Variants in KCNJ6 observed in about 807,000 individuals in gnomAD.
KCNJ6 encodes G protein-activated inward rectifier potassium channel 2.
Under a neutral mutation model 34.2 loss-of-function variants are expected in KCNJ6, and 9 were observed. The ratio of observed to expected loss-of-function variants is 0.26; its 90% confidence interval spans 0.16 to 0.46. The LOEUF (loss-of-function observed/expected upper bound fraction) is 0.46. KCNJ6 is among the 20% of genes least tolerant of loss of function. The pLI is 1.00. For missense variants in KCNJ6, 236 were observed against 531.3 expected, an observed-to-expected ratio of 0.44 and a Z score of 5.46; for synonymous variants, 196 against 207.1, an observed-to-expected ratio of 0.95 and a Z score of 0.46.
At chr21:37,717,587 A>G (rs1337985428) in intron 2 of KCNJ6, among the ~76,000 whole-genome samples, 1 of 152,226 alleles carries the variant, frequency 6.6e-6, no homozygotes, top group Non-Finnish European at 1.5e-5. Context: ...TCTCACTGCT[A>G]ATTTTGTGCT....
intron 2 of KCNJ6, among the ~76,000 whole-genome samples, chr21:37,832,403 G>A (rs191000326): frequency 4.6e-5 from 7 of 151,964 alleles, no homozygotes; most frequent in African/African-American, 9.7e-5. Context: ...GTGACACAAC[G>A]TCTTCCTCGG....
At position 37,620,550 on chromosome 21, in the gene KCNJ6, T is replaced by C. The variant is rs1171216031; in HGVS notation, c.*4609A>G. The stretch of plus-strand genomic sequence containing the variant: ...ACAGGCAGCAGGCCAGATTTTTTTT[T>C]TTTTAGCAGATTTGGTTTGCTGAAA... On this transcript the variant is annotated 3_prime_UTR_variant, in exon 4 of 4. Transcript: ENST00000609713. The C allele has an allele frequency of 6.6e-6, 1 of 152,196 alleles. No homozygotes were observed. The highest frequency in any genetic ancestry group is 2.4e-5 in the African/African-American group (1 of 41,450). The allele number at this position is 152,196 out of a possible 1,614,324, so 9.4% of individuals were successfully genotyped here. A position where few individuals can be genotyped will look rare whatever the true frequency, so the allele number is the denominator to read the frequency against.
chr21:37,668,894 A>G (rs982488318), intron 3 of KCNJ6, among the ~76,000 whole-genome samples: 13 of 152,388 alleles, frequency 8.5e-5, no homozygotes, highest in East Asian at 1.9e-4. Context: ...ATGGTGCTGC[A>G]AAGCTGGCTT....
At chr21:37,645,376 A>T (rs2054399467) in intron 3 of KCNJ6, among the ~76,000 whole-genome samples, 1 of 152,164 alleles carries the variant, frequency 6.6e-6, no homozygotes, top group Admixed American at 6.5e-5. Context: ...AAAAACAAAC[A>T]AATAAAAACA....
intron 3 of KCNJ6, among the ~76,000 whole-genome samples, chr21:37,689,887 G>A (rs1401657991): frequency 6.6e-6 from 1 of 151,946 alleles, no homozygotes; most frequent in Non-Finnish European, 1.5e-5. Context: ...TTGGGTCTCA[G>A]GCAGAGTCAA....
intron 2 of KCNJ6, among the ~76,000 whole-genome samples, chr21:37,737,810 G>A (rs1388945450): frequency 6.6e-6 from 1 of 152,206 alleles, no homozygotes; most frequent in Non-Finnish European, 1.5e-5. Context: ...CCCTGCAGTG[G>A]CCCCGTCTAG....
intron 2 of KCNJ6, among the ~76,000 whole-genome samples, chr21:37,735,618 CT>C (rs1048918901): frequency 1.3e-5 from 2 of 152,202 alleles, no homozygotes; most frequent in African/African-American, 4.8e-5. Context: ...TGCAAGCCCC[CT>C]GACCTTCCCT....
At chr21:37,701,709 T>C (rs1349446004) in intron 3 of KCNJ6, among the ~76,000 whole-genome samples, 1 of 152,080 alleles carries the variant, frequency 6.6e-6, no homozygotes, top group South Asian at 2.1e-4. Context: ...AGGGAGCTAG[T>C]TTCTTTTGGG....
At chr21:37,763,320 C>A (rs1211258851) in intron 2 of KCNJ6, among the ~76,000 whole-genome samples, 1 of 152,176 alleles carries the variant, frequency 6.6e-6, no homozygotes, top group East Asian at 1.9e-4. Context: ...ATGCGATGAT[C>A]TGTCTTCTCG....
rs2054299582 is a variant in KCNJ6, at chr21:37,623,919, T to C, written c.*1240A>G. The C allele has an allele frequency of 6.6e-6, 1 of 152,196 alleles. No individual in the cohort carries two copies. The highest frequency in any genetic ancestry group is 1.5e-5 in the Non-Finnish European group (1 of 68,026). The allele number at this position is 152,196 out of a possible 1,614,324, so 9.4% of individuals were successfully genotyped here. A position where few individuals can be genotyped will look rare whatever the true frequency, so the allele number is the denominator to read the frequency against. ...TAGAGTCAAAGTGAGAGGTCGATGA[T>C]TATAATGCATGCCACTCACTACATG... On this transcript the variant is annotated 3_prime_UTR_variant, in exon 4 of 4. Transcript: ENST00000609713.
chr21:37,681,498 C>T (rs934074155), intron 3 of KCNJ6, among the ~76,000 whole-genome samples: 3 of 152,202 alleles, frequency 2.0e-5, no homozygotes, highest in Non-Finnish European at 4.4e-5. Flanking sequence ...AACACTGGCT[C>T]TCACATTGTC....
intron 2 of KCNJ6, among the ~76,000 whole-genome samples, chr21:37,755,338 C>T (rs1381070495): frequency 6.6e-6 from 1 of 152,080 alleles, no homozygotes; most frequent in Admixed American, 6.5e-5. Context: ...CATGCAAAAG[C>T]TTTCAAAGAA....
At chr21:37,812,602 A>G (rs982460020) in intron 2 of KCNJ6, among the ~76,000 whole-genome samples, 2 of 152,242 alleles carry the variant, frequency 1.3e-5, no homozygotes, top group African/African-American at 4.8e-5. Flanking sequence ...GCATGCAAGG[A>G]TGGTTCAACA....
At chr21:37,631,858 G>C (rs1412968649) in intron 3 of KCNJ6, among the ~76,000 whole-genome samples, 2 of 152,200 alleles carry the variant, frequency 1.3e-5, no homozygotes, top group African/African-American at 4.8e-5. Flanking sequence ...GTCCTCAGCT[G>C]CTCTGCAGTG....
rs531575767 is a variant in KCNJ6, at chr21:37,859,944, T to C, written c.-27-19235A>G. ...CTCCTGGATTCTGACCTCTTTGCCT[T>C]TCAGTTCTCCCTCTTTCCCACCTTT... On this transcript the variant is annotated intron_variant, in intron 1 of 3. Coordinates refer to ENST00000609713, the MANE Select transcript of KCNJ6 (RefSeq NM_002240.5). Among the ~76,000 whole-genome samples, 3 of 152,108 alleles carry C rather than the reference T, an allele frequency of 2.0e-5. No homozygotes were observed. In the South Asian group the frequency reaches 6.2e-4, roughly 32 times the overall value.
intron 3 of KCNJ6, among the ~76,000 whole-genome samples, chr21:37,632,192 T>C (rs935571394): frequency 6.7e-6 from 1 of 148,628 alleles, no homozygotes; most frequent in African/African-American, 2.4e-5. Context: ...TGAATTGATA[T>C]AATCGTGAGC....
chr21:37,780,330 A>G (rs991998068), intron 2 of KCNJ6, among the ~76,000 whole-genome samples: 3 of 152,216 alleles, frequency 2.0e-5, no homozygotes, highest in African/African-American at 7.2e-5. Context: ...AGTGATGAAC[A>G]GGTGGAACCC....
intron 3 of KCNJ6, among the ~76,000 whole-genome samples, chr21:37,633,473 G>T (rs906485628): frequency 8.8e-6 from 1 of 113,380 alleles, no homozygotes. Flanking sequence ...AAAGGCCTTT[G>T]CCAGTAAAAA....
At chr21:37,848,521 G>T (rs2055521470) in intron 1 of KCNJ6, among the ~76,000 whole-genome samples, 1 of 152,158 alleles carries the variant, frequency 6.6e-6, no homozygotes, top group African/African-American at 2.4e-5. Context: ...CCTTTCTAAG[G>T]TCCCTATGTA....
Sources: allele counts gnomAD v4.1 joint callset (sites outside exome capture counted in the v4.1 genomes callset), GRCh38; gene constraint gnomAD v4.1.1; transcripts MANE v1.5; gene names NCBI Gene and HGNC (gene_info 2026-07-23, HGNC 2026-07-21).